Variants in CADM3 observed in about 807,000 individuals in gnomAD.
The protein encoded by CADM3 is cell adhesion molecule 3.
A neutral mutation model predicts 44.9 loss-of-function variants in CADM3; 11 were observed. The observed-to-expected ratio is 0.25, with a 90% confidence interval of 0.15 to 0.41. The LOEUF is 0.41. CADM3 is among the 10% of genes least tolerant of loss of function. The pLI is 1.00. For missense variants in CADM3, 426 were observed against 512.0 expected (o/e 0.83, Z 1.62); for synonymous variants, 207 against 205.2 (o/e 1.01, Z -0.08).
At position 159,171,659 on chromosome 1, in the gene CADM3, T is replaced by TC. The variant is rs2102081939; in HGVS notation, c.-106dup. 1.2e-6 allele frequency: 1 copy of TC among 844,510 alleles called. No individual in the cohort carries two copies. The highest frequency in any genetic ancestry group is 1.6e-6 in the Non-Finnish European group (1 of 635,104). The allele number at this position is 844,510 out of a possible 1,614,324, so 52.3% of individuals were successfully genotyped here. On this transcript the variant is annotated 5_prime_UTR_variant, in exon 1 of 9. Coordinates refer to ENST00000368125, the MANE Select transcript of CADM3 (RefSeq NM_001127173.3). ...CCTCGGCCCCGGGCTCCGAAGCGGC[T>TC]CGGGGGCGCCCTTTCGGTCAACATC...
intron 1 of CADM3, among the ~76,000 whole-genome samples, chr1:159,177,371 G>A (rs747342229): frequency 5.9e-5 from 9 of 152,104 alleles, no homozygotes; most frequent in South Asian, 4.1e-4. Flanking sequence ...TTTAGTTCCT[G>A]TGCTTGAGAG....
At chr1:159,193,613 A>G (rs1400254414) in intron 4 of CADM3, 53 bp downstream of exon 4, 1 of 1,611,502 alleles carries the variant, frequency 6.2e-7, no homozygotes, top group African/African-American at 1.3e-5. Flanking sequence ...GGAAAGAGAG[A>G]GAAGTGCCTG....
intron 1 of CADM3, among the ~76,000 whole-genome samples, chr1:159,173,407 C>G (rs1461256318): frequency 6.6e-6 from 1 of 152,050 alleles, no homozygotes; most frequent in East Asian, 1.9e-4. Flanking sequence ...CCTGGGGATC[C>G]CCTCCCTATA....
chr1:159,201,749 C>G lies in CADM3; in HGVS notation c.*827C>G, dbSNP rs2102145360. 1 of 152,678 alleles carries G rather than the reference C, an allele frequency of 6.5e-6. No homozygotes were observed. Among genetic ancestry groups the G allele is most frequent in the East Asian group, 1.9e-4 (1 of 5,168 alleles). 9.5% of individuals were successfully genotyped at this position (152,678 alleles called of 1,614,324 possible). A position where few individuals can be genotyped will look rare whatever the true frequency, so the allele number is the denominator to read the frequency against. The stretch of plus-strand genomic sequence containing the variant: ...TGGAGATAGCAGAGTGTGGCTGCCC[C>G]TCCTTGCTCCAGCAGCAGTGGGAGA... On this transcript the variant is annotated 3_prime_UTR_variant, in exon 9 of 9. Transcript: ENST00000368125.
chr1:159,203,087 C>G lies in CADM3; in HGVS notation c.*2165C>G, dbSNP rs951903095. The G allele has an allele frequency of 5.9e-5, 9 of 152,088 alleles. No homozygotes were observed. Among genetic ancestry groups the G allele is most frequent in the African/African-American group, 2.2e-4 (9 of 41,374 alleles). 9.4% of individuals were successfully genotyped at this position (152,088 alleles called of 1,614,324 possible). On this transcript the variant is annotated 3_prime_UTR_variant, in exon 9 of 9. Coordinates refer to ENST00000368125, the MANE Select transcript of CADM3 (RefSeq NM_001127173.3). The stretch of plus-strand genomic sequence containing the variant: ...CCGTGTATCTTTATAATCTTTCTAA[C>G]TCTCCTGTGCTAATCTCAGAGGGGT...
intron 1 of CADM3, among the ~76,000 whole-genome samples, chr1:159,183,364 A>G (rs982006419): frequency 6.6e-6 from 1 of 152,216 alleles, no homozygotes; most frequent in African/African-American, 2.4e-5. Flanking sequence ...AAGCTGGGAC[A>G]GAGTAGTTTA....
intron 1 of CADM3, among the ~76,000 whole-genome samples, chr1:159,188,655 G>C (rs1034784780): frequency 2.0e-5 from 3 of 152,140 alleles, no homozygotes; most frequent in East Asian, 1.9e-4. Context: ...ACTTCGGGGC[G>C]CTGCGGCGGG....
At position 159,197,028 on chromosome 1, in the gene CADM3, G is replaced by A. The variant is rs1649930601; in HGVS notation, c.920G>A (p.Ser307Asn). The A allele has an allele frequency of 6.2e-7, 1 of 1,614,166 alleles. No individual in the cohort carries two copies. The highest frequency in any genetic ancestry group is 1.3e-5 in the African/African-American group (1 of 75,042). Residue 307 changes from serine to asparagine, a missense_variant, in exon 7 of 9, where the codon AGC becomes AAC. Around this residue, in one of 2 missense-constraint regions of CADM3, gnomAD observed 362 missense variants for 474.6 expected, o/e 0.76. Transcript: ENST00000368125. ...TGCACAGCCACCAGCAACATGGGCAGCTACAAGGCCTACTACACCCTCAAT... is the reference window on the plus strand; with the variant it reads ...TGCACAGCCACCAGCAACATGGGCAACTACAAGGCCTACTACACCCTCAAT... Reference protein sequence around the residue: ...YGCTATSNMGSYKAYYTLNVN... With the variant: ...YGCTATSNMGNYKAYYTLNVN...
intron 1 of CADM3, among the ~76,000 whole-genome samples, chr1:159,184,384 T>C (rs1204624929): frequency 6.6e-6 from 1 of 152,220 alleles, no homozygotes; most frequent in Non-Finnish European, 1.5e-5. Context: ...GAATAACAAG[T>C]AGGCTGGGAT....
Position 159,197,294 on chromosome 1 carries a change from T to C in CADM3, c.952+234T>C, listed in dbSNP as rs1407232664. 6.6e-6 allele frequency: 3 copies of C among 454,522 alleles called. No homozygotes were observed. In the East Asian group the frequency reaches 1.1e-4, roughly 17 times the overall value. 28.2% of individuals were successfully genotyped at this position (454,522 alleles called of 1,614,324 possible). On this transcript the variant is annotated intron_variant, in intron 7 of 8. Transcript: ENST00000368125. ...TGGGCTCTCATCTGCCTTTCTTTGG[T>C]AGTGGTGGCCTGGGTGACACCATCT...
intron 3 of CADM3, 137 bp downstream of exon 3, chr1:159,192,867 A>G: frequency 1.9e-5 from 15 of 801,074 alleles, no homozygotes; most frequent in Non-Finnish European, 2.2e-5. Context: ...TCCCCTGGCA[A>G]TGGGATAAAA....
At chr1:159,178,148 A>G (rs1214361656) in intron 1 of CADM3, among the ~76,000 whole-genome samples, 2 of 152,236 alleles carry the variant, frequency 1.3e-5, no homozygotes, top group Non-Finnish European at 2.9e-5. Context: ...ACGACAGGGG[A>G]AAATGTCTAT....
Position 159,200,852 on chromosome 1 carries a change from C to G in CADM3, c.1127C>G (p.Ala376Gly), listed in dbSNP as rs761014332. The G allele has an allele frequency of 6.8e-6, 11 of 1,610,992 alleles. No homozygotes were observed. The highest frequency in any genetic ancestry group is 9.3e-6 in the Non-Finnish European group (11 of 1,178,488). Reference protein sequence around the residue: ...EAKGSDDAPDADTAIINAEGG... With the variant: ...EAKGSDDAPDGDTAIINAEGG... ...AAAGGCTCCGACGATGCTCCAGACG[C>G]GGACACGGCCATCATCAATGCAGAA... is the stretch of plus-strand genomic sequence containing the variant. The change falls in exon 9 of 9, where the codon GCG becomes GGG. Residue 376 changes from alanine (A) to glycine (G), a missense_variant. Ala to Gly is a moderately conservative substitution (Grantham distance 60). Transcript: ENST00000368125.
At position 159,171,698 on chromosome 1, in the gene CADM3, T is replaced by A; in HGVS notation, c.-68T>A. ...TCGGTCAACATCGTAGTCCACCCCC[T>A]CCCCATCCCCAGCCCCCGGGGATTC... is the stretch of plus-strand genomic sequence containing the variant. On this transcript the variant is annotated 5_prime_UTR_variant, in exon 1 of 9. Transcript: ENST00000368125. 45 of 1,039,820 alleles carry A rather than the reference T, an allele frequency of 4.3e-5. No individual in the cohort carries two copies. Among genetic ancestry groups the A allele is most frequent in the Non-Finnish European group, 5.4e-5 (44 of 813,330 alleles). 64.4% of individuals were successfully genotyped at this position (1,039,820 alleles called of 1,614,324 possible).
chr1:159,188,712 C>T (rs1385453958), intron 1 of CADM3, among the ~76,000 whole-genome samples: 1 of 152,148 alleles, frequency 6.6e-6, no homozygotes, highest in Non-Finnish European at 1.5e-5. Context: ...CCCTCCGCCT[C>T]TTCAGGTTGG....
At chr1:159,186,087 T>C (rs1232527426) in intron 1 of CADM3, among the ~76,000 whole-genome samples, 2 of 152,184 alleles carry the variant, frequency 1.3e-5, no homozygotes, top group South Asian at 2.1e-4. Flanking sequence ...AGTTTAGACA[T>C]GTGAAGATGG....
chr1:159,196,590 C>T (rs376708694), intron 6 of CADM3, 136 bp downstream of exon 6: 42 of 734,108 alleles, frequency 5.7e-5, no homozygotes, highest in East Asian at 3.8e-4. Flanking sequence ...CAATAATGTC[C>T]GCCTGCAATT....
chr1:159,199,943 C>T (rs981049996), intron 8 of CADM3, 67 bp downstream of exon 8: 32 of 1,568,718 alleles, frequency 2.0e-5, no homozygotes, highest in Middle Eastern at 1.8e-4. Flanking sequence ...GAGGCAGGCA[C>T]GAGGAGAAGC....
intron 8 of CADM3, among the ~76,000 whole-genome samples, chr1:159,200,521 CACACACACACACA>C (rs1385527569): frequency 0.013 from 20 of 1,518 alleles, no homozygotes; most frequent in African/African-American, 0.061. Context: ...CGTGCAAGCA[CACACACACACACA>C]CACACACACA....
Sources: gnomAD v4.1 joint callset for allele counts (sites outside exome capture counted in the v4.1 genomes callset) on GRCh38, gnomAD v4.1.1 for gene constraint, gnomAD v4.1.1 regional missense constraint, MANE v1.5 for transcripts, NCBI Gene and HGNC (gene_info 2026-07-23, HGNC 2026-07-21) for gene names.